IL1RAPL2: variants seen among roughly 807,000 people sequenced by gnomAD.
IL1RAPL2 encodes interleukin 1 receptor accessory protein like 2, also known as X-linked interleukin-1 receptor accessory protein-like 2.
IL1RAPL2 carries 3 observed loss-of-function variants against 44.1 expected under a neutral mutation model. The observed-to-expected ratio is 0.07, with a 90% CI of 0.03 to 0.18. The LOEUF (loss-of-function observed/expected upper bound fraction) is 0.18. Ranked by LOEUF, IL1RAPL2 falls within the 10% of genes least tolerant of loss-of-function variation. The probability of loss-of-function intolerance (pLI) is 1.00; values close to 1 mark genes in which losing one functional copy is unlikely to be tolerated. For missense variants in IL1RAPL2, 391 were observed against 496.4 expected, an observed-to-expected ratio of 0.79 and a Z score of 2.02; for synonymous variants, 181 against 178.8, an observed-to-expected ratio of 1.01 and a Z score of -0.10.
At chrX:105,020,754 G>C in intron 2 of IL1RAPL2, among the ~76,000 whole-genome samples, 1 of 111,096 alleles carries the variant, frequency 9.0e-6, no homozygotes, top group Non-Finnish European at 1.9e-5. Context: ...AGATGCCCCA[G>C]CATTGTCTAG....
At chrX:104,832,478 G>GA (rs201964137) in intron 2 of IL1RAPL2, among the ~76,000 whole-genome samples, 14,951 of 109,709 alleles carry the variant, frequency 0.14, 1,048 homozygotes, top group Non-Finnish European at 0.2. Context: ...AAGGAAGATT[G>GA]AAAAAAAATG....
At chrX:105,070,709 AAAAAT>A (rs2147537826) in intron 2 of IL1RAPL2, among the ~76,000 whole-genome samples, 1 of 106,226 alleles carries the variant, frequency 9.4e-6, no homozygotes, top group East Asian at 2.9e-4. Flanking sequence ...ATAAAAATAA[AAAAAT>A]ATATATATAT....
At chrX:105,032,401 T>C (rs766649849) in intron 2 of IL1RAPL2, among the ~76,000 whole-genome samples, 106 of 109,267 alleles carry the variant, frequency 9.7e-4, no homozygotes, top group African/African-American at 2.8e-3. Flanking sequence ...GCTTTGAATG[T>C]GTCCCAGAGA....
chrX:105,331,035 T>C (rs1378907475), intron 5 of IL1RAPL2, among the ~76,000 whole-genome samples: 3 of 111,841 alleles, frequency 2.7e-5, no homozygotes, highest in African/African-American at 9.7e-5. Context: ...AATTAATGTA[T>C]ATAAAGTGTT....
At chrX:105,638,312 G>T (rs1456825534) in intron 6 of IL1RAPL2, among the ~76,000 whole-genome samples, 2 of 106,594 alleles carry the variant, frequency 1.9e-5, no homozygotes, top group African/African-American at 3.4e-5. Context: ...TGTTATTCTT[G>T]CTGTTTGGGC....
intron 6 of IL1RAPL2, among the ~76,000 whole-genome samples, chrX:105,692,457 T>G (rs755098722): frequency 9.0e-6 from 1 of 111,570 alleles, no homozygotes; most frequent in South Asian, 3.8e-4. Context: ...AAGCTAAATT[T>G]CCTGAAATTG....
intron 2 of IL1RAPL2, among the ~76,000 whole-genome samples, chrX:104,667,759 A>G (rs992803653): frequency 2.7e-5 from 3 of 111,800 alleles, no homozygotes; most frequent in Admixed American, 9.5e-5. Context: ...TGGAAAATTT[A>G]GGTTTCAGAT....
chrX:105,360,899 T>TA (rs1187907309), intron 5 of IL1RAPL2, among the ~76,000 whole-genome samples: 1 of 111,878 alleles, frequency 8.9e-6, no homozygotes, highest in Non-Finnish European at 1.9e-5. Flanking sequence ...GGGAAAATAT[T>TA]AAAGTGTTTG....
intron 5 of IL1RAPL2, among the ~76,000 whole-genome samples, chrX:105,480,392 T>C (rs771049326): frequency 8.9e-6 from 1 of 112,179 alleles, no homozygotes; most frequent in Admixed American, 9.5e-5. Flanking sequence ...GCAGTAATAG[T>C]AGTAGCTTCA....
At chrX:105,008,647 C>T (rs1170443764) in intron 2 of IL1RAPL2, among the ~76,000 whole-genome samples, 3 of 111,013 alleles carry the variant, frequency 2.7e-5, no homozygotes, top group Admixed American at 1.9e-4. Context: ...ACCATAAAAA[C>T]CCTAGAGGAA....
At chrX:105,558,006 C>T (rs950886087) in intron 6 of IL1RAPL2, among the ~76,000 whole-genome samples, 22 of 109,685 alleles carry the variant, frequency 2.0e-4, no homozygotes, top group Non-Finnish European at 3.6e-4. Flanking sequence ...TCCTTCAAAC[C>T]GGTTAAAAAA....
intron 1 of IL1RAPL2, among the ~76,000 whole-genome samples, chrX:104,651,604 C>T (rs1178095715): frequency 1.8e-5 from 2 of 111,451 alleles, no homozygotes; most frequent in Admixed American, 9.6e-5. Context: ...AATAGGTTTG[C>T]GGTAAGGAGA....
chrX:105,350,216 C>T (rs2035142032), intron 5 of IL1RAPL2, among the ~76,000 whole-genome samples: 1 of 111,463 alleles, frequency 9.0e-6, no homozygotes, highest in African/African-American at 3.3e-5. Flanking sequence ...CCTTCAATGG[C>T]TCCCTAATGA....
chrX:105,211,725 C>T (rs1556158154), intron 3 of IL1RAPL2, among the ~76,000 whole-genome samples: 2 of 111,156 alleles, frequency 1.8e-5, no homozygotes, highest in Non-Finnish European at 3.8e-5. Flanking sequence ...TCCACAGCTC[C>T]CAGCGAGAAC....
At chrX:105,460,263 T>C (rs1317042397) in intron 5 of IL1RAPL2, among the ~76,000 whole-genome samples, 1 of 111,445 alleles carries the variant, frequency 9.0e-6, no homozygotes, top group Non-Finnish European at 1.9e-5. Context: ...AGACAAAAAC[T>C]GTAAGAGGAA....
At chrX:105,043,692 G>C (rs904622064) in intron 2 of IL1RAPL2, among the ~76,000 whole-genome samples, 2 of 111,065 alleles carry the variant, frequency 1.8e-5, no homozygotes, top group African/African-American at 6.5e-5. Flanking sequence ...CATTTTTCTA[G>C]TTCTCTAGGA....
chrX:105,627,725 A>T (rs976146662), intron 6 of IL1RAPL2, among the ~76,000 whole-genome samples: 1 of 111,969 alleles, frequency 8.9e-6, no homozygotes, highest in Non-Finnish European at 1.9e-5. Flanking sequence ...TATCAGATCT[A>T]TTCCTGGCCC....
chrX:104,673,418 C>T (rs770819415), intron 2 of IL1RAPL2, among the ~76,000 whole-genome samples: 10 of 110,620 alleles, frequency 9.0e-5, no homozygotes, highest in East Asian at 8.6e-4. Flanking sequence ...AGATATGCGG[C>T]GTTATTTCTG....
At chrX:105,681,812 T>C (rs1194978985) in intron 6 of IL1RAPL2, among the ~76,000 whole-genome samples, 3 of 111,856 alleles carry the variant, frequency 2.7e-5, no homozygotes, top group Non-Finnish European at 5.6e-5. Context: ...TCTTGCTCCA[T>C]AAGATCTTGT....
Sources: gnomAD v4.1 joint callset for allele counts (sites outside exome capture counted in the v4.1 genomes callset) on GRCh38, gnomAD v4.1.1 for gene constraint, MANE v1.5 for transcripts, NCBI Gene and HGNC (gene_info 2026-07-23, HGNC 2026-07-21) for gene names.